The following SLC24A2 variants were observed in gnomAD, a reference collection of about 807,000 sequenced individuals.
SLC24A2 encodes sodium/potassium/calcium exchanger 2.
SLC24A2 carries 36 observed loss-of-function variants against 62.0 expected under a neutral mutation model. The ratio of observed to expected loss-of-function variants is 0.58; its 90% CI spans 0.44 to 0.77. The LOEUF (loss-of-function observed/expected upper bound fraction) is 0.77, where lower values mean the gene tolerates loss of function less well. SLC24A2 is among the 30% of genes least tolerant of loss of function. The pLI is 0.00. For synonymous variants in SLC24A2, 358 were observed against 294.0 expected, an observed-to-expected ratio of 1.22 and a Z score of -2.23; for missense variants, 846 against 817.9, an observed-to-expected ratio of 1.03 and a Z score of -0.42.
the SLC24A2 span, among the ~76,000 whole-genome samples, chr9:19,904,215 C>T: frequency 6.6e-6 from 1 of 152,328 alleles, no homozygotes; most frequent in South Asian, 2.1e-4. Context: ...TCAGAATCTG[C>T]ACTCTGACAA....
the SLC24A2 span, among the ~76,000 whole-genome samples, chr9:20,141,298 C>G: frequency 1.3e-5 from 2 of 152,090 alleles, no homozygotes; most frequent in African/African-American, 4.8e-5. Flanking sequence ...GGCCTACGCT[C>G]GCTGTCTTAT....
chr9:20,050,296 A>T, the SLC24A2 span, among the ~76,000 whole-genome samples: 1,204 of 151,742 alleles, frequency 7.9e-3, 22 homozygotes, highest in African/African-American at 0.028. Flanking sequence ...CATGCTTGTA[A>T]TCCTAGCTAC....
chr9:20,240,416 T>A, the SLC24A2 span, among the ~76,000 whole-genome samples: 1 of 152,064 alleles, frequency 6.6e-6, no homozygotes, highest in African/African-American at 2.4e-5. Context: ...TGGAACCTCA[T>A]GAAAGCTCAA....
the SLC24A2 span, among the ~76,000 whole-genome samples, chr9:20,171,737 AG>A: frequency 6.6e-6 from 1 of 152,080 alleles, no homozygotes; most frequent in African/African-American, 2.4e-5. Context: ...ACTAGACCTA[AG>A]AAATGAGCTA....
chr9:20,262,607 G>T, the SLC24A2 span, among the ~76,000 whole-genome samples: 3 of 152,308 alleles, frequency 2.0e-5, no homozygotes, highest in East Asian at 5.8e-4. Flanking sequence ...TACAACTGGG[G>T]AGGTGCTTAT....
chr9:20,028,772 C>T, the SLC24A2 span, among the ~76,000 whole-genome samples: 10 of 152,310 alleles, frequency 6.6e-5, no homozygotes, highest in Admixed American at 1.3e-4. Context: ...CCTTTGATTC[C>T]GGGCTTTGTA....
At chr9:20,303,541 G>A in the SLC24A2 span, among the ~76,000 whole-genome samples, 2 of 152,130 alleles carry the variant, frequency 1.3e-5, no homozygotes. Context: ...GGCCACAAAA[G>A]ATGATAGCCC....
chr9:20,003,224 T>C, the SLC24A2 span, among the ~76,000 whole-genome samples: 26 of 152,310 alleles, frequency 1.7e-4, no homozygotes, highest in Admixed American at 4.6e-4. Context: ...AACACACTTA[T>C]ACAAAACTAT....
At chr9:19,796,720 G>A in the SLC24A2 span, among the ~76,000 whole-genome samples, 1 of 152,090 alleles carries the variant, frequency 6.6e-6, no homozygotes, top group South Asian at 2.1e-4. Context: ...CATTATTTCT[G>A]TAGAGAAGCC....
chr9:20,058,530 G>A, the SLC24A2 span, among the ~76,000 whole-genome samples: 12 of 136,090 alleles, frequency 8.8e-5, no homozygotes, highest in Non-Finnish European at 1.7e-4. Flanking sequence ...CAAATATTTG[G>A]GAAAGACTCA....
At chr9:20,090,745 T>C in the SLC24A2 span, among the ~76,000 whole-genome samples, 3 of 151,898 alleles carry the variant, frequency 2.0e-5, no homozygotes, top group South Asian at 2.1e-4. Flanking sequence ...CACCCACATA[T>C]AGAGATGAGA....
At chr9:20,079,079 T>C in the SLC24A2 span, among the ~76,000 whole-genome samples, 1 of 152,134 alleles carries the variant, frequency 6.6e-6, no homozygotes, top group Non-Finnish European at 1.5e-5. Flanking sequence ...ATCCTGATTA[T>C]CCAGGTGGGC....
chr9:19,700,736 T>A (rs1329734348), intron 2 of SLC24A2, among the ~76,000 whole-genome samples: 2 of 152,214 alleles, frequency 1.3e-5, no homozygotes, highest in African/African-American at 4.8e-5. Context: ...ACCTGTGACA[T>A]TCTGTAAATG....
At chr9:20,108,351 T>C in the SLC24A2 span, among the ~76,000 whole-genome samples, 2 of 152,180 alleles carry the variant, frequency 1.3e-5, no homozygotes, top group Non-Finnish European at 2.9e-5. Flanking sequence ...TTACTGGGTA[T>C]ATACCCAAAG....
the SLC24A2 span, among the ~76,000 whole-genome samples, chr9:19,975,645 T>A: frequency 3.3e-5 from 5 of 152,234 alleles, no homozygotes; most frequent in African/African-American, 1.2e-4. Context: ...TTTATGTTTA[T>A]CTTTATTATT....
chr9:20,008,495 T>A, the SLC24A2 span, among the ~76,000 whole-genome samples: 1 of 152,144 alleles, frequency 6.6e-6, no homozygotes, highest in Non-Finnish European at 1.5e-5. Flanking sequence ...CCACCACAGT[T>A]CCATACTTCC....
the SLC24A2 span, among the ~76,000 whole-genome samples, chr9:20,058,921 G>A: frequency 6.6e-6 from 1 of 152,164 alleles, no homozygotes; most frequent in African/African-American, 2.4e-5. Flanking sequence ...CTTTGATACT[G>A]TGTTTTGCCC....
At chr9:19,862,723 G>GT in the SLC24A2 span, among the ~76,000 whole-genome samples, 17 of 151,696 alleles carry the variant, frequency 1.1e-4, no homozygotes, top group South Asian at 2.1e-4. Context: ...GTCTTCATTA[G>GT]TTTTTTTTGC....
chr9:19,926,549 TG>T, the SLC24A2 span: 2 of 151,722 alleles, frequency 1.3e-5, no homozygotes, highest in Non-Finnish European at 2.9e-5. Flanking sequence ...CTACATAGCT[TG>T]GGACATTGCT....
Sources: gnomAD v4.1 joint callset for allele counts (sites outside exome capture counted in the v4.1 genomes callset) on GRCh38, gnomAD v4.1.1 for gene constraint, MANE v1.5 for transcripts, NCBI Gene and HGNC (gene_info 2026-07-23, HGNC 2026-07-21) for gene names.